AUTS2: variants seen among roughly 807,000 people sequenced by gnomAD.
AUTS2 encodes autism susceptibility gene 2 protein.
Under a neutral mutation model 112.4 loss-of-function variants are expected in AUTS2, and 17 were observed. The ratio of observed to expected loss-of-function variants is 0.15; its 90% confidence interval spans 0.10 to 0.23. The LOEUF is 0.23. Ranked by LOEUF, AUTS2 falls within the 10% of genes least tolerant of loss-of-function variation. The probability of loss-of-function intolerance (pLI) is 1.00; values close to 1 mark genes in which losing one functional copy is unlikely to be tolerated. For missense variants in AUTS2, 1,510 were observed against 1,701.6 expected, an observed-to-expected ratio of 0.89 and a Z score of 1.98; for synonymous variants, 751 against 702.7, an observed-to-expected ratio of 1.07 and a Z score of -1.09.
chr7:70,224,321 A>ATACAG (rs201946702), intron 4 of AUTS2, among the ~76,000 whole-genome samples: 11 of 137,822 alleles, frequency 8.0e-5, no homozygotes, highest in African/African-American at 2.3e-4. Flanking sequence ...ATACAATACA[A>ATACAG]TACAGTACAG....
At chr7:69,781,736 T>A (rs879219320) in intron 1 of AUTS2, among the ~76,000 whole-genome samples, 2 of 152,170 alleles carry the variant, frequency 1.3e-5, no homozygotes, top group Admixed American at 1.3e-4. Context: ...TTTGTTCTTC[T>A]CTCCTTTCCC....
chr7:70,631,807 C>G lies in AUTS2; in HGVS notation c.691-66762C>G, dbSNP rs888347771. Reference sequence around the variant, plus strand: ...CTGCTTGACAGCATCTCCAGCCCCGCGCCCGTGTGTGCTAACTTGCTAGGG... The same window carrying G: ...CTGCTTGACAGCATCTCCAGCCCCGGGCCCGTGTGTGCTAACTTGCTAGGG... On this transcript the variant is annotated intron_variant, in intron 5 of 18. Coordinates refer to ENST00000342771, the MANE Select transcript of AUTS2 (RefSeq NM_015570.4). The surrounding 1 kb of genome is among the most constrained non-coding windows in gnomAD (Gnocchi z 4.5). Among the ~76,000 whole-genome samples the G allele has an allele frequency of 6.6e-6, 1 of 152,064 alleles. No individual in the cohort carries two copies. The highest frequency in any genetic ancestry group is 2.4e-5 in the African/African-American group (1 of 41,398).
intron 6 of AUTS2, among the ~76,000 whole-genome samples, chr7:70,712,715 G>A (rs950761687): frequency 6.6e-6 from 1 of 152,204 alleles, no homozygotes; most frequent in Non-Finnish European, 1.5e-5. Context: ...TAAATGCTCA[G>A]ACGATCCACA....
rs1791923473 is a variant in AUTS2, at chr7:70,791,097, GA to G, written c.*104del. The G allele has an allele frequency of 5.0e-6, 6 of 1,200,596 alleles. No homozygotes were observed. Among genetic ancestry groups the G allele is most frequent in the South Asian group, 2.7e-5 (1 of 37,292 alleles). The allele number at this position is 1,200,596 out of a possible 1,614,324, so 74.4% of individuals were successfully genotyped here. A position where few individuals can be genotyped will look rare whatever the true frequency, so the allele number is the denominator to read the frequency against. ...TGCATGGCTCACACAGACTGGGGGGGAAAGCCCCACCCCTTCCCCTTGTAAA... is the reference window on the plus strand; with the variant it reads ...TGCATGGCTCACACAGACTGGGGGGGAAGCCCCACCCCTTCCCCTTGTAAA... On this transcript the variant is annotated 3_prime_UTR_variant, in exon 19 of 19. Transcript: ENST00000342771.
intron 6 of AUTS2, among the ~76,000 whole-genome samples, chr7:70,756,965 G>A (rs77745081): frequency 0.053 from 8,085 of 152,234 alleles, 316 homozygotes; most frequent in Non-Finnish European, 0.079. Context: ...GGGTTGCTGC[G>A]CACGTTGCAG....
At chr7:70,654,788 G>A (rs6968221) in intron 5 of AUTS2, among the ~76,000 whole-genome samples, 90,231 of 151,988 alleles carry the variant, frequency 0.59, 27,599 homozygotes, top group Middle Eastern at 0.77. Flanking sequence ...TCTGTGGCAC[G>A]TTATTTTCTG....
At chr7:69,887,413 CAAAAAAA>C (rs142082810) in intron 1 of AUTS2, among the ~76,000 whole-genome samples, 1 of 53,048 alleles carries the variant, frequency 1.9e-5, no homozygotes, top group South Asian at 6.7e-4. Flanking sequence ...AAGACTTCAT[CAAAAAAA>C]AAAAAAAAAA....
chr7:69,978,890 ACACACACACACG>A (rs1396006387), intron 2 of AUTS2, among the ~76,000 whole-genome samples: 35 of 150,152 alleles, frequency 2.3e-4, no homozygotes, highest in African/African-American at 7.3e-4. Flanking sequence ...ACACACACAC[ACACACACACACG>A]CACACACGCA....
chr7:69,804,799 C>T (rs540106049), intron 1 of AUTS2, among the ~76,000 whole-genome samples: 1 of 152,250 alleles, frequency 6.6e-6, no homozygotes, highest in South Asian at 2.1e-4. Flanking sequence ...GTGTGGTCTT[C>T]GAAGCAGCAA....
intron 4 of AUTS2, among the ~76,000 whole-genome samples, chr7:70,187,719 G>T (rs895532815): frequency 1.3e-5 from 2 of 149,410 alleles, no homozygotes; most frequent in African/African-American, 4.9e-5. Context: ...CTACAAATCA[G>T]TACATGTCAT....
At chr7:70,765,256 C>G (rs1204093802) in intron 8 of AUTS2, among the ~76,000 whole-genome samples, 4 of 152,132 alleles carry the variant, frequency 2.6e-5, no homozygotes, top group African/African-American at 9.7e-5. Flanking sequence ...AGTTAGGAGG[C>G]ATTTCCAGCT....
At chr7:70,392,634 G>T (rs1406707753) in intron 4 of AUTS2, among the ~76,000 whole-genome samples, 4 of 152,176 alleles carry the variant, frequency 2.6e-5, no homozygotes, top group Non-Finnish European at 5.9e-5. Context: ...AGAATTCAAA[G>T]AACATCTGCT....
At chr7:70,548,537 A>T (rs1026288661) in intron 5 of AUTS2, among the ~76,000 whole-genome samples, 1 of 152,096 alleles carries the variant, frequency 6.6e-6, no homozygotes, top group African/African-American at 2.4e-5. Context: ...TTATAATTTT[A>T]ACTCTTACAT....
chr7:70,146,900 A>G (rs559943357), intron 4 of AUTS2, among the ~76,000 whole-genome samples: 10 of 152,296 alleles, frequency 6.6e-5, no homozygotes, highest in Non-Finnish European at 1.0e-4. Context: ...GGTTAAAGCC[A>G]GTGTGCAATT....
intron 5 of AUTS2, among the ~76,000 whole-genome samples, chr7:70,524,107 C>T (rs1396166593): frequency 6.6e-6 from 1 of 152,210 alleles, no homozygotes; most frequent in Admixed American, 6.5e-5. Flanking sequence ...TTGAGTCATT[C>T]TTTCTGACCA....
chr7:70,771,976 C>T (rs115382631), intron 11 of AUTS2, among the ~76,000 whole-genome samples: 1,586 of 152,268 alleles, frequency 0.01, 25 homozygotes, highest in African/African-American at 0.037. Context: ...AAATATCAGA[C>T]ACATGTGCGC....
intron 4 of AUTS2, among the ~76,000 whole-genome samples, chr7:70,280,138 G>C (rs992956246): frequency 3.3e-5 from 5 of 152,158 alleles, no homozygotes; most frequent in African/African-American, 1.2e-4. Context: ...CATAATAAGG[G>C]CTCAATAAAT....
chr7:70,166,925 C>T (rs1343280284), intron 4 of AUTS2, among the ~76,000 whole-genome samples: 1 of 152,194 alleles, frequency 6.6e-6, no homozygotes, highest in Non-Finnish European at 1.5e-5. Context: ...AACAGTATGT[C>T]ATGCAAACCC....
chr7:70,279,966 C>G (rs1788126852), intron 4 of AUTS2, among the ~76,000 whole-genome samples: 1 of 152,228 alleles, frequency 6.6e-6, no homozygotes, highest in Non-Finnish European at 1.5e-5. Flanking sequence ...GGAATCCCAC[C>G]TCCTCCACTT....
Sources: allele counts gnomAD v4.1 joint callset (sites outside exome capture counted in the v4.1 genomes callset), GRCh38; gene constraint gnomAD v4.1.1; non-coding constraint Gnocchi (gnomAD v3.1); transcripts MANE v1.5; gene names NCBI Gene and HGNC (gene_info 2026-07-23, HGNC 2026-07-21).